PSIP1: variants seen among roughly 807,000 people sequenced by gnomAD.
PSIP1 encodes PC4 and SRSF1 interacting protein 1.
A neutral mutation model predicts 74.7 loss-of-function variants in PSIP1; 19 were observed. The observed-to-expected ratio is 0.25, with a 90% CI of 0.18 to 0.37. The LOEUF (loss-of-function observed/expected upper bound fraction) is 0.37, where lower values mean the gene tolerates loss of function less well. Among genes scored for constraint, PSIP1 ranks in the 10% least tolerant of loss-of-function variants. PSIP1 has a pLI of 1.00. For synonymous variants in PSIP1, 222 were observed against 195.3 expected (o/e 1.14, Z -1.14); for missense variants, 601 against 614.3 (o/e 0.98, Z 0.23).
chr9:15,502,611 G>A (rs1379244565), intron 3 of PSIP1, among the ~76,000 whole-genome samples: 3 of 152,162 alleles, frequency 2.0e-5, no homozygotes, highest in African/African-American at 7.2e-5. Flanking sequence ...GCATGGACTT[G>A]AATTATACAA....
At chr9:15,470,557 C>T (rs1206298975) in intron 10 of PSIP1, 2 of 909,170 alleles carry the variant, frequency 2.2e-6, no homozygotes, top group African/African-American at 1.8e-5. Flanking sequence ...ATCTTAATTT[C>T]TAGTACCTTG....
At position 15,480,918 on chromosome 9, in the gene PSIP1, C is replaced by CA. The variant is rs775677368; in HGVS notation, c.457-1232dup. Among the ~76,000 whole-genome samples, 163 of 152,108 alleles carry CA rather than the reference C, an allele frequency of 1.1e-3. 1 individual carries two copies. Among genetic ancestry groups the CA allele is most frequent in the South Asian group, 1.2e-3 (6 of 4,808 alleles). ...CCTGGGCGACAGAGCAAGACTGTCTCAAAAAAACAAAACAAAACAAAAAAC... is the reference window on the plus strand; with the variant it reads ...CCTGGGCGACAGAGCAAGACTGTCTCAAAAAAAACAAAACAAAACAAAAAAC... On this transcript the variant is annotated intron_variant, in intron 6 of 15. Transcript: ENST00000380733.
intron 3 of PSIP1, chr9:15,506,277 T>C (rs1254836314): frequency 4.0e-5 from 11 of 275,768 alleles, no homozygotes; most frequent in Non-Finnish European, 7.6e-5. Context: ...GAATATCAGA[T>C]CACTTATTAA....
intron 9 of PSIP1, 146 bp downstream of exon 9, chr9:15,473,863 T>A (rs534146278): frequency 1.1e-4 from 59 of 557,622 alleles, no homozygotes; most frequent in South Asian, 1.9e-4. Flanking sequence ...ATTGTGCCAC[T>A]GCACTCCAGC....
At chr9:15,484,391 G>A (rs2036469413) in intron 6 of PSIP1, among the ~76,000 whole-genome samples, 1 of 151,864 alleles carries the variant, frequency 6.6e-6, no homozygotes, top group Non-Finnish European at 1.5e-5. Context: ...CTGAGGTCAG[G>A]AGTTCGAGAT....
chr9:15,488,925 G>A (rs2036693746), intron 4 of PSIP1, among the ~76,000 whole-genome samples: 1 of 152,218 alleles, frequency 6.6e-6, no homozygotes, highest in Non-Finnish European at 1.5e-5. Context: ...GAAGGCTGAG[G>A]CAGGAGAATG....
intron 10 of PSIP1, chr9:15,471,400 A>G (rs1010301162): frequency 3.6e-5 from 54 of 1,502,164 alleles, no homozygotes; most frequent in Non-Finnish European, 4.7e-5. Flanking sequence ...AGGACATTCA[A>G]AAGAAACTGA....
chr9:15,478,400 A>T (rs1236854144), intron 8 of PSIP1, 77 bp downstream of exon 8: 10 of 1,089,734 alleles, frequency 9.2e-6, no homozygotes, highest in Non-Finnish European at 1.4e-5. Context: ...GAAAACTGAT[A>T]AAATCGCAGA....
rs554615175 is a variant in PSIP1, at chr9:15,487,886, G to T, written c.289-955C>A. Among the ~76,000 whole-genome samples, 5 of 152,250 alleles carry T rather than the reference G, an allele frequency of 3.3e-5. No individual in the cohort carries two copies. The South Asian group carries it at 1.0e-3, about 32-fold the overall frequency. ...TATGGTTCGATGAATCCATTAACAA[G>T]TAAGTACTGGGAAGTAATAAAGTCA... is the stretch of plus-strand genomic sequence containing the variant. On this transcript the variant is annotated intron_variant, in intron 4 of 15. Transcript: ENST00000380733.
intron 3 of PSIP1, among the ~76,000 whole-genome samples, chr9:15,503,647 G>A (rs1446013214): frequency 4.0e-5 from 6 of 151,062 alleles, no homozygotes; most frequent in Non-Finnish European, 7.4e-5. Flanking sequence ...GCCATGGAAT[G>A]AGACTCTGTC....
At chr9:15,481,884 T>A (rs2036351918) in intron 6 of PSIP1, among the ~76,000 whole-genome samples, 3 of 152,064 alleles carry the variant, frequency 2.0e-5, no homozygotes, top group African/African-American at 4.8e-5. Context: ...CAAAGAATAA[T>A]AAATATTTTA....
intron 14 of PSIP1, 174 bp downstream of exon 14, chr9:15,468,456 C>G (rs2035721013): frequency 2.5e-6 from 2 of 794,896 alleles, no homozygotes; most frequent in South Asian, 2.7e-5. Flanking sequence ...TTTTTGTTCT[C>G]AATGCACACT....
intron 10 of PSIP1, chr9:15,472,316 ATG>A: frequency 1.9e-6 from 2 of 1,057,978 alleles, no homozygotes; most frequent in Non-Finnish European, 1.1e-6. Flanking sequence ...CTCTATCTAT[ATG>A]TATTATATTA....
At chr9:15,488,053 G>A (rs1213105483) in intron 4 of PSIP1, among the ~76,000 whole-genome samples, 7 of 152,132 alleles carry the variant, frequency 4.6e-5, no homozygotes, top group Non-Finnish European at 7.4e-5. Context: ...AAGCTAGGCC[G>A]GGCACAGTGA....
chr9:15,477,364 C>T (rs929145733), intron 8 of PSIP1, among the ~76,000 whole-genome samples: 1 of 152,124 alleles, frequency 6.6e-6, no homozygotes, highest in African/African-American at 2.4e-5. Context: ...TTAAAGTCTA[C>T]TCTCTTAGTA....
chr9:15,485,813 A>G, intron 6 of PSIP1, 193 bp downstream of exon 6: 1 of 440,170 alleles, frequency 2.3e-6, no homozygotes, highest in Non-Finnish European at 4.0e-6. Context: ...TTACCACTCA[A>G]GTTACTTTAA....
intron 10 of PSIP1, 125 bp from the exon 11 acceptor site, chr9:15,470,118 T>G: frequency 1.4e-6 from 1 of 703,222 alleles, no homozygotes; most frequent in South Asian, 1.7e-5. Flanking sequence ...GCAAAGGAAC[T>G]GACTGTAGCT....
Position 15,510,150 on chromosome 9 carries a change from G to C in PSIP1, c.39C>G (p.Ala13=), listed in dbSNP as rs551504986. ...RDFKPGDLIF[A]KMKGYPHWPA... ...GCCAATGGGGATAACCTTTCATCTTGGCGAAGATGAGGTCTCCAGGTTTGA... is the reference window on the plus strand; with the variant it reads ...GCCAATGGGGATAACCTTTCATCTTCGCGAAGATGAGGTCTCCAGGTTTGA... Residue 13 remains alanine, a synonymous_variant, in exon 2 of 16, where the codon GCC becomes GCG. Transcript: ENST00000380733. 4 of 1,608,552 alleles carry C rather than the reference G, an allele frequency of 2.5e-6. No individual in the cohort carries two copies. The highest frequency in any genetic ancestry group is 2.3e-5 in the East Asian group (1 of 44,304).
chr9:15,479,309 G>A (rs1015112168), intron 7 of PSIP1, among the ~76,000 whole-genome samples: 1 of 152,026 alleles, frequency 6.6e-6, no homozygotes, highest in Non-Finnish European at 1.5e-5. Flanking sequence ...CGACTCTTAA[G>A]TGAAAGGTAA....
Sources: allele counts gnomAD v4.1 joint callset (sites outside exome capture counted in the v4.1 genomes callset), GRCh38; gene constraint gnomAD v4.1.1; transcripts MANE v1.5; gene names NCBI Gene and HGNC (gene_info 2026-07-23, HGNC 2026-07-21).